MALRD1: variants seen among roughly 807,000 people sequenced by gnomAD.
MALRD1 encodes the protein MAM and LDL receptor class A domain containing 1.
Under a neutral mutation model 242.1 loss-of-function variants are expected in MALRD1, and 247 were observed. That is an observed-to-expected ratio of 1.02 (90% CI 0.92 to 1.13). The LOEUF is 1.13. Among genes scored for constraint, MALRD1 ranks in the 50% most tolerant of loss-of-function variants. The pLI is 0.00. For missense variants in MALRD1, 2,989 were observed against 2,533.1 expected, an observed-to-expected ratio of 1.18 and a Z score of -3.86; for synonymous variants, 995 against 866.6, an observed-to-expected ratio of 1.15 and a Z score of -2.60.
chr10:19,569,400 C>T (rs974186523), intron 33 of MALRD1, among the ~76,000 whole-genome samples: 7 of 151,728 alleles, frequency 4.6e-5, no homozygotes, highest in Non-Finnish European at 5.9e-5. Context: ...TGATAAATTC[C>T]TTTAATTTTC....
intron 32 of MALRD1, among the ~76,000 whole-genome samples, chr10:19,535,212 C>A (rs1834612049): frequency 6.6e-6 from 1 of 152,012 alleles, no homozygotes; most frequent in Admixed American, 6.6e-5. Flanking sequence ...AATGTTTACC[C>A]TAGTAAATAT....
chr10:19,166,566 G>T (rs1310988499), intron 13 of MALRD1, among the ~76,000 whole-genome samples: 1 of 152,110 alleles, frequency 6.6e-6, no homozygotes, highest in Non-Finnish European at 1.5e-5. Flanking sequence ...AATATTTAGG[G>T]GATAAGATTT....
chr10:19,059,409 A>G (rs1205224478), intron 1 of MALRD1, among the ~76,000 whole-genome samples: 3 of 151,928 alleles, frequency 2.0e-5, no homozygotes, highest in African/African-American at 4.8e-5. Context: ...GTTTTTTGAG[A>G]TGGATTCTTG....
rs16919148 is a variant in MALRD1 at position 19,607,870 on chromosome 10, T to G, written c.6038T>G (p.Met2013Arg). 6,976 of 1,549,742 alleles carry G rather than the reference T, an allele frequency of 4.5e-3. 282 individuals are homozygous for G. In the African/African-American group the frequency reaches 0.083, roughly 18 times the overall value. Residue 2013 changes from methionine to arginine, a missense_variant, in exon 35 of 40, where the codon ATG (methionine) becomes AGG (arginine). Coordinates refer to ENST00000454679, the MANE Select transcript of MALRD1 (RefSeq NM_001142308.3). ...HQRCDGFADC[M>R]DFQLDESSCS... ...CGCTGTGATGGTTTTGCCGACTGCA[T>G]GGATTTCCAGCTTGATGAGTCCAGC...
At chr10:19,356,877 G>A (rs1844659726) in intron 26 of MALRD1, among the ~76,000 whole-genome samples, 1 of 152,110 alleles carries the variant, frequency 6.6e-6, no homozygotes, top group Non-Finnish European at 1.5e-5. Flanking sequence ...GGGAGCCTGA[G>A]GTGGGCAGAT....
At chr10:19,076,001 G>C (rs1378990915) in intron 2 of MALRD1, among the ~76,000 whole-genome samples, 2 of 151,994 alleles carry the variant, frequency 1.3e-5, no homozygotes, top group African/African-American at 2.4e-5. Context: ...GTCGTCTGGA[G>C]ACCTGGATTC....
chr10:19,727,334 A>G (rs190588545), intron 38 of MALRD1, among the ~76,000 whole-genome samples: 2 of 152,306 alleles, frequency 1.3e-5, no homozygotes, highest in Admixed American at 6.5e-5. Context: ...AGACTATTAT[A>G]AACACTTCCA....
At chr10:19,571,974 GTGTTT>G (rs1457061163) in intron 33 of MALRD1, among the ~76,000 whole-genome samples, 3 of 152,056 alleles carry the variant, frequency 2.0e-5, no homozygotes, top group Non-Finnish European at 4.4e-5. Context: ...CTCGTATTAG[GTGTTT>G]TGTTGTCGTT....
intron 31 of MALRD1, among the ~76,000 whole-genome samples, chr10:19,510,133 G>A (rs528458992): frequency 2.4e-4 from 37 of 152,268 alleles, no homozygotes; most frequent in Admixed American, 4.6e-4. Context: ...TGATGTGCAC[G>A]TACGTAAACA....
intron 5 of MALRD1, among the ~76,000 whole-genome samples, chr10:19,110,768 T>C (rs1282555351): frequency 6.6e-6 from 1 of 152,166 alleles, no homozygotes; most frequent in Non-Finnish European, 1.5e-5. Context: ...AATGTCTTTA[T>C]ATATCTCAAT....
chr10:19,564,041 A>G (rs533432216), intron 32 of MALRD1, among the ~76,000 whole-genome samples: 1 of 152,224 alleles, frequency 6.6e-6, no homozygotes, highest in Non-Finnish European at 1.5e-5. Context: ...CCCCAGAAGC[A>G]GTTGCTGGTG....
intron 33 of MALRD1, among the ~76,000 whole-genome samples, chr10:19,589,773 T>C (rs1452707087): frequency 6.6e-6 from 1 of 152,216 alleles, no homozygotes; most frequent in Non-Finnish European, 1.5e-5. Context: ...ACATTTCTTT[T>C]GTACATCCCT....
chr10:19,454,218 C>G (rs1452758143), intron 29 of MALRD1, among the ~76,000 whole-genome samples: 1 of 151,426 alleles, frequency 6.6e-6, no homozygotes, highest in Non-Finnish European at 1.5e-5. Flanking sequence ...AAAATACATC[C>G]CTACAAAATC....
At chr10:19,397,971 GT>G (rs1229843775) in intron 28 of MALRD1, among the ~76,000 whole-genome samples, 4 of 151,112 alleles carry the variant, frequency 2.6e-5, no homozygotes, top group African/African-American at 9.8e-5. Flanking sequence ...TAAGACTCAT[GT>G]ATATTAAGGT....
intron 15 of MALRD1, 40 bp from the exon 16 acceptor site, chr10:19,204,268 A>T: frequency 8.2e-7 from 1 of 1,215,800 alleles, no homozygotes; most frequent in Non-Finnish European, 1.1e-6. Context: ...AGAATCCAAT[A>T]GGTTAATGAA....
intron 28 of MALRD1, among the ~76,000 whole-genome samples, chr10:19,421,235 G>A (rs1833709318): frequency 2.0e-5 from 3 of 152,098 alleles, no homozygotes; most frequent in South Asian, 4.1e-4. Flanking sequence ...GTGCATGTTT[G>A]TGCACACTTT....
intron 14 of MALRD1, among the ~76,000 whole-genome samples, chr10:19,176,869 C>CAT: frequency 7.7e-6 from 1 of 130,584 alleles, no homozygotes; most frequent in Non-Finnish European, 1.7e-5. Context: ...TGCATGTGTG[C>CAT]ATGTGTGTGT....
In MALRD1 at chr10:19,362,574, A is replaced by G. The variant is rs145289280; in HGVS notation, c.4441+10277A>G. Among the ~76,000 whole-genome samples the G allele has an allele frequency of 2.8e-3, 421 of 152,226 alleles. 2 individuals carry two copies. Among genetic ancestry groups the G allele is most frequent in the African/African-American group, 9.6e-3 (400 of 41,546 alleles). On this transcript the variant is annotated intron_variant, in intron 26 of 39. Transcript: ENST00000454679. The stretch of plus-strand genomic sequence containing the variant: ...ATGGTACCAAGACAGGGCATGCCTG[A>G]CAAAGAAGAGGCCAATGTAGCTGAG...
chr10:19,281,235 A>G (rs1441866614), intron 20 of MALRD1, among the ~76,000 whole-genome samples: 1 of 152,258 alleles, frequency 6.6e-6, no homozygotes, highest in Non-Finnish European at 1.5e-5. Context: ...TATATCATGC[A>G]TCACAGATGG....
Sources: gnomAD v4.1 joint callset for allele counts (sites outside exome capture counted in the v4.1 genomes callset) on GRCh38, gnomAD v4.1.1 for gene constraint, MANE v1.5 for transcripts, NCBI Gene and HGNC (gene_info 2026-07-23, HGNC 2026-07-21) for gene names.